Variants in FOXN3 observed in about 807,000 individuals in gnomAD.
FOXN3 encodes the protein forkhead box protein N3.
In FOXN3, 7 loss-of-function variants were observed where a neutral mutation model predicts 38.4. The observed-to-expected ratio is 0.18, with a 90% CI of 0.10 to 0.34. FOXN3 has a LOEUF of 0.34. FOXN3 is among the 10% of genes least tolerant of loss of function. FOXN3 has a pLI of 1.00. For missense variants in FOXN3, 456 were observed against 613.4 expected (o/e 0.74, Z 2.71); for synonymous variants, 230 against 242.2 (o/e 0.95, Z 0.47).
At position 89,255,957 on chromosome 14, in the gene FOXN3, G is replaced by A. The variant is rs1885605801; in HGVS notation, c.745+24993C>T. 2.0e-5 allele frequency among the ~76,000 whole-genome samples: 3 copies of A among 152,174 alleles called. No individual in the cohort carries two copies. The South Asian group carries it at 6.2e-4, about 32-fold the overall frequency. On this transcript the variant is annotated intron_variant, in intron 4 of 5. Transcript: ENST00000557258. ...TTTTGCAATGTACCAAGGCACCTAA[G>A]GAACAAGACACCTCCCCATGAGTGC...
At chr14:89,363,947 A>AATAT (rs67802765) in intron 2 of FOXN3, among the ~76,000 whole-genome samples, 101 of 111,296 alleles carry the variant, frequency 9.1e-4, no homozygotes, top group Middle Eastern at 3.9e-3. Context: ...CTGTCTGTAA[A>AATAT]ATATATATAT....
intron 1 of FOXN3, among the ~76,000 whole-genome samples, chr14:89,440,251 G>T (rs1219260398): frequency 2.0e-5 from 3 of 152,090 alleles, no homozygotes; most frequent in Non-Finnish European, 2.9e-5. Context: ...TCTGATCTAG[G>T]GGTGCTTTCC....
intron 1 of FOXN3, among the ~76,000 whole-genome samples, chr14:89,593,559 G>T (rs1342538646): frequency 3.3e-5 from 5 of 152,030 alleles, no homozygotes; most frequent in Non-Finnish European, 1.5e-5. Flanking sequence ...GAAAAGAAGG[G>T]GTAAGGTCTA....
At chr14:89,285,451 G>T in intron 3 of FOXN3, among the ~76,000 whole-genome samples, 1 of 151,950 alleles carries the variant, frequency 6.6e-6, no homozygotes, top group South Asian at 2.1e-4. Context: ...CCCAGGAGGC[G>T]GAGGTTGCAG....
rs1309517963 is a variant in FOXN3 at position 89,446,084 on chromosome 14, C to A, written c.-14-33594G>T. On this transcript the variant is annotated intron_variant, in intron 1 of 6. Coordinates refer to the FOXN3 transcript ENST00000345097. ...GCCTGGGTAACAGAGCGAGACCCTGCCTCAAAAAAAAAAAAAAAAAAAAAA... is the reference window on the plus strand; with the variant it reads ...GCCTGGGTAACAGAGCGAGACCCTGACTCAAAAAAAAAAAAAAAAAAAAAA... 1.3e-4 allele frequency among the ~76,000 whole-genome samples: 3 copies of A among 23,728 alleles called. No individual in the cohort carries two copies. The South Asian group carries it at 5.3e-3, about 42-fold the overall frequency. 15.6% of individuals were successfully genotyped at this position (23,728 alleles called of 152,430 possible).
intron 2 of FOXN3, among the ~76,000 whole-genome samples, chr14:89,368,173 A>G (rs1890211421): frequency 6.6e-6 from 1 of 151,742 alleles, no homozygotes; most frequent in South Asian, 2.1e-4. Flanking sequence ...TACTAAAAAA[A>G]TACAAAATTA....
intron 2 of FOXN3, among the ~76,000 whole-genome samples, chr14:89,373,024 G>C (rs924339847): frequency 2.6e-5 from 4 of 151,942 alleles, no homozygotes; most frequent in African/African-American, 9.7e-5. Flanking sequence ...AAACTAGCTG[G>C]GTGTCGTGAC....
At chr14:89,501,809 T>C (rs1464680759) in intron 1 of FOXN3, among the ~76,000 whole-genome samples, 1 of 151,616 alleles carries the variant, frequency 6.6e-6, no homozygotes, top group East Asian at 1.9e-4. Context: ...GATCTCACCA[T>C]TGCACTCCAG....
intron 1 of FOXN3, among the ~76,000 whole-genome samples, chr14:89,444,279 A>G (rs1892449578): frequency 6.8e-6 from 1 of 147,904 alleles, no homozygotes; most frequent in Non-Finnish European, 1.5e-5. Context: ...CATTCTTTTG[A>G]TGGGCGGGGG....
At chr14:89,486,393 A>G (rs1200768169) in intron 1 of FOXN3, among the ~76,000 whole-genome samples, 1 of 152,220 alleles carries the variant, frequency 6.6e-6, no homozygotes, top group Non-Finnish European at 1.5e-5. Flanking sequence ...CCACATTGTC[A>G]AGTCTGATCA....
intron 3 of FOXN3, among the ~76,000 whole-genome samples, chr14:89,349,929 A>AT (rs914791616): frequency 2.0e-5 from 3 of 152,188 alleles, no homozygotes; most frequent in Non-Finnish European, 4.4e-5. Context: ...ATTTTTAAAT[A>AT]TTTTTTTGTA....
At chr14:89,600,100 A>G (rs1896128385) in intron 1 of FOXN3, among the ~76,000 whole-genome samples, 1 of 152,020 alleles carries the variant, frequency 6.6e-6, no homozygotes, top group Admixed American at 6.5e-5. Context: ...TTTTCTTTTT[A>G]ATTTTGAGCA....
Position 89,584,380 on chromosome 14 carries a change from G to A in FOXN3, c.-15+34648C>T, listed in dbSNP as rs906418013. Among the ~76,000 whole-genome samples the A allele has an allele frequency of 2.6e-5, 4 of 151,996 alleles. No homozygotes were observed. In the East Asian group the frequency reaches 7.8e-4, roughly 30 times the overall value. On this transcript the variant is annotated intron_variant, in intron 1 of 6. Transcript: ENST00000345097. The stretch of plus-strand genomic sequence containing the variant: ...CGCACCACTGTACGCCAGCCTGGGC[G>A]ACCCAGGGAAACTCCATCTTGATAA...
chr14:89,301,148 A>G (rs576729235), intron 3 of FOXN3, among the ~76,000 whole-genome samples: 85 of 152,138 alleles, frequency 5.6e-4, no homozygotes, highest in African/African-American at 1.9e-3. Context: ...GGTTTATTAC[A>G]TCTATTTATG....
chr14:89,494,142 A>G (rs1384219124), intron 1 of FOXN3: 1 of 152,184 alleles, frequency 6.6e-6, no homozygotes, highest in African/African-American at 2.4e-5. Context: ...AATATAGTGC[A>G]TGCCGCCTGT....
intron 3 of FOXN3, among the ~76,000 whole-genome samples, chr14:89,342,301 T>C (rs750391031): frequency 3.3e-5 from 5 of 152,192 alleles, no homozygotes; most frequent in Non-Finnish European, 7.3e-5. Flanking sequence ...GGGCATAATA[T>C]TCATGAGCTA....
At chr14:89,545,060 G>C (rs573351850) in intron 1 of FOXN3, among the ~76,000 whole-genome samples, 9 of 152,220 alleles carry the variant, frequency 5.9e-5, no homozygotes, top group Non-Finnish European at 1.2e-4. Flanking sequence ...TACTGAACAA[G>C]CTGGCTGGAC....
chr14:89,248,483 G>A (rs929723074), intron 4 of FOXN3, among the ~76,000 whole-genome samples: 18 of 152,192 alleles, frequency 1.2e-4, no homozygotes, highest in African/African-American at 4.3e-4. Context: ...GTCAAATTCA[G>A]CTTTAAGCTG....
intron 1 of FOXN3, among the ~76,000 whole-genome samples, chr14:89,498,208 CTCTTTTTTT>C (rs1566676020): frequency 8.1e-6 from 1 of 123,766 alleles, no homozygotes; most frequent in Non-Finnish European, 1.6e-5. Flanking sequence ...CTCTCTCTCT[CTCTTTTTTT>C]TTTTTTTTTT....
Sources: allele counts gnomAD v4.1 joint callset (sites outside exome capture counted in the v4.1 genomes callset), GRCh38; gene constraint gnomAD v4.1.1; transcripts MANE v1.5; gene names NCBI Gene and HGNC (gene_info 2026-07-23, HGNC 2026-07-21).